CPNE8: variants seen among roughly 807,000 people sequenced by gnomAD.
CPNE8 encodes the protein copine-8.
In CPNE8, 45 loss-of-function variants were observed where a neutral mutation model predicts 81.5. The observed-to-expected ratio is 0.55, with a 90% CI of 0.44 to 0.71. CPNE8 has a LOEUF of 0.71. Among genes scored for constraint, CPNE8 ranks in the 30% least tolerant of loss-of-function variants. CPNE8 has a pLI of 0.00. For synonymous variants in CPNE8, 252 were observed against 226.3 expected (o/e 1.11, Z -1.02); for missense variants, 594 against 672.1 (o/e 0.88, Z 1.28).
rs1231514852 is a variant in CPNE8, at chr12:38,662,880, A to G, written c.1506+7849T>C. On this transcript the variant is annotated intron_variant, in intron 19 of 19. Coordinates refer to ENST00000331366, the MANE Select transcript of CPNE8 (RefSeq NM_153634.3). Reference sequence around the variant, plus strand: ...TTTTTGACAAATGCATCAAGAACATACACTGGGGAAAGAACACCCTTTTCA... The same window carrying G: ...TTTTTGACAAATGCATCAAGAACATGCACTGGGGAAAGAACACCCTTTTCA... Among the ~76,000 whole-genome samples, 6 of 150,096 alleles carry G rather than the reference A, an allele frequency of 4.0e-5. No individual in the cohort carries two copies. The East Asian group carries it at 7.7e-4, about 19-fold the overall frequency.
chr12:38,670,682 A>G (rs77100936), intron 19 of CPNE8, 47 bp downstream of exon 19: 21,305 of 1,307,826 alleles, frequency 0.016, 1,134 homozygotes, highest in East Asian at 0.13. Context: ...AAAGATCCCA[A>G]TGATATTTTC....
rs570620521 is a variant in CPNE8 at position 38,808,874 on chromosome 12, A to G, written c.407+20505T>C. Among the ~76,000 whole-genome samples, 9 of 152,190 alleles carry G rather than the reference A, an allele frequency of 5.9e-5. No individual in the cohort carries two copies. The South Asian group carries it at 1.9e-3, about 32-fold the overall frequency. On this transcript the variant is annotated intron_variant, in intron 6 of 19. Transcript: ENST00000331366. Reference sequence around the variant, plus strand: ...AAGTTATAAACAAATATTTTATAGAATATGATAAACAAGCAATAAATATGT... The same window carrying G: ...AAGTTATAAACAAATATTTTATAGAGTATGATAAACAAGCAATAAATATGT...
At chr12:38,688,570 T>C (rs1489325336) in intron 15 of CPNE8, among the ~76,000 whole-genome samples, 3 of 151,108 alleles carry the variant, frequency 2.0e-5, no homozygotes. Context: ...TAAATGCCCA[T>C]CAACCAATAA....
At chr12:38,707,048 A>G (rs988536727) in intron 13 of CPNE8, among the ~76,000 whole-genome samples, 15 of 152,240 alleles carry the variant, frequency 9.9e-5, no homozygotes, top group African/African-American at 2.6e-4. Context: ...GGTGCAGTGG[A>G]TCCCACCTGT....
chr12:38,666,677 TTGTC>T (rs1939062820), intron 19 of CPNE8, among the ~76,000 whole-genome samples: 4 of 152,260 alleles, frequency 2.6e-5, no homozygotes, highest in Admixed American at 6.5e-5. Flanking sequence ...TACAGTGTGT[TTGTC>T]TGTTTCTGTG....
chr12:38,658,579 C>A (rs570162370), intron 19 of CPNE8, among the ~76,000 whole-genome samples: 1 of 152,068 alleles, frequency 6.6e-6, no homozygotes, highest in East Asian at 1.9e-4. Flanking sequence ...AGAAGAGCAA[C>A]CCCAAGACAT....
intron 10 of CPNE8, among the ~76,000 whole-genome samples, chr12:38,748,419 C>T (rs1474499526): frequency 1.3e-5 from 2 of 152,306 alleles, no homozygotes; most frequent in African/African-American, 2.4e-5. Flanking sequence ...ATTTTTACCA[C>T]AAGCCTTTTT....
chr12:38,798,271 A>G (rs1015394375), intron 6 of CPNE8, among the ~76,000 whole-genome samples: 1 of 152,160 alleles, frequency 6.6e-6, no homozygotes, highest in African/African-American at 2.4e-5. Flanking sequence ...GTTGAAATGA[A>G]GGAAAAAATG....
chr12:38,723,029 AG>A (rs2136744495), intron 13 of CPNE8, among the ~76,000 whole-genome samples: 1 of 152,240 alleles, frequency 6.6e-6, no homozygotes, highest in South Asian at 2.1e-4. Flanking sequence ...AAGTCTCCTA[AG>A]GCCTCCCCAG....
intron 6 of CPNE8, among the ~76,000 whole-genome samples, chr12:38,817,777 C>T (rs1943051306): frequency 6.6e-6 from 1 of 151,884 alleles, no homozygotes; most frequent in Admixed American, 6.6e-5. Context: ...GCACCCACCG[C>T]TACGCCCGGC....
At chr12:38,867,808 A>G (rs1943937872) in intron 3 of CPNE8, among the ~76,000 whole-genome samples, 1 of 152,172 alleles carries the variant, frequency 6.6e-6, no homozygotes, top group Non-Finnish European at 1.5e-5. Context: ...CTAGCTCTGA[A>G]ATTACTACAC....
chr12:38,894,337 C>CA (rs1388439181), intron 1 of CPNE8, among the ~76,000 whole-genome samples: 2 of 151,898 alleles, frequency 1.3e-5, no homozygotes, highest in African/African-American at 2.4e-5. Context: ...AAACTTTTCC[C>CA]AAAAAAATTT....
At chr12:38,889,226 A>C (rs1944276651) in intron 1 of CPNE8, among the ~76,000 whole-genome samples, 2 of 152,240 alleles carry the variant, frequency 1.3e-5, no homozygotes, top group African/African-American at 4.8e-5. Context: ...TTTATAAACA[A>C]ATATGTGCAG....
chr12:38,884,132 T>C lies in CPNE8; in HGVS notation c.99-9621A>G, dbSNP rs186857126. ...TTGTGCAACTACTACCACTATCTAA[T>C]TTTAGAATATTTTCCTCTCTCCTCC... On this transcript the variant is annotated intron_variant, in intron 1 of 19. Coordinates refer to ENST00000331366, the MANE Select transcript of CPNE8 (RefSeq NM_153634.3). 1.0e-2 allele frequency among the ~76,000 whole-genome samples: 1,515 copies of C among 152,254 alleles called. 9 individuals are homozygous for C. The highest frequency in any genetic ancestry group is 0.016 in the Non-Finnish European group (1,104 of 67,994).
intron 4 of CPNE8, among the ~76,000 whole-genome samples, chr12:38,843,005 G>A (rs76407512): frequency 0.055 from 8,302 of 152,200 alleles, 741 homozygotes; most frequent in African/African-American, 0.19. Flanking sequence ...CAATGTATAC[G>A]TGTACCTGTG....
At position 38,799,092 on chromosome 12, in the gene CPNE8, T is replaced by A. The variant is rs943947834; in HGVS notation, c.408-22791A>T. The stretch of plus-strand genomic sequence containing the variant: ...CAAAGAGACTTAGACTCCCACACAA[T>A]AATAATGGGAGACTTTAACACCCCA... On this transcript the variant is annotated intron_variant, in intron 6 of 19. Coordinates refer to ENST00000331366, the MANE Select transcript of CPNE8 (RefSeq NM_153634.3). Among the ~76,000 whole-genome samples the A allele has an allele frequency of 2.0e-5, 3 of 152,018 alleles. No homozygotes were observed. In the East Asian group the frequency reaches 5.8e-4, roughly 29 times the overall value.
At chr12:38,731,446 A>C (rs1462467865) in intron 10 of CPNE8, among the ~76,000 whole-genome samples, 1 of 151,874 alleles carries the variant, frequency 6.6e-6, no homozygotes, top group African/African-American at 2.4e-5. Context: ...AGGGGTAAAA[A>C]TGTTATCTGC....
chr12:38,794,805 A>G (rs1012425590), intron 6 of CPNE8, among the ~76,000 whole-genome samples: 8 of 152,210 alleles, frequency 5.3e-5, no homozygotes, highest in Non-Finnish European at 1.5e-5. Context: ...GTTGAAGAAT[A>G]CAAAGTATTG....
intron 6 of CPNE8, among the ~76,000 whole-genome samples, chr12:38,826,532 C>T (rs1000445504): frequency 5.9e-5 from 9 of 152,114 alleles, no homozygotes; most frequent in Non-Finnish European, 1.3e-4. Context: ...CATGACTCAA[C>T]CCCCAGCAAA....
Sources: allele counts gnomAD v4.1 joint callset (sites outside exome capture counted in the v4.1 genomes callset), GRCh38; gene constraint gnomAD v4.1.1; transcripts MANE v1.5; gene names NCBI Gene and HGNC (gene_info 2026-07-23, HGNC 2026-07-21).